ADAMTSL3: variants seen among roughly 807,000 people sequenced by gnomAD.
ADAMTSL3 encodes ADAMTS-like protein 3.
A neutral mutation model predicts 201.7 loss-of-function variants in ADAMTSL3; 128 were observed. The ratio of observed to expected loss-of-function variants is 0.63; its 90% CI spans 0.55 to 0.73. The LOEUF is 0.73. Among genes scored for constraint, ADAMTSL3 ranks in the 30% least tolerant of loss-of-function variants. ADAMTSL3 has a pLI of 0.00. For missense variants in ADAMTSL3, 1,990 were observed against 2,119.6 expected (o/e 0.94, Z 1.20); for synonymous variants, 738 against 748.4 (o/e 0.99, Z 0.23).
intron 13 of ADAMTSL3, among the ~76,000 whole-genome samples, chr15:83,895,910 A>C (rs2065604379): frequency 1.3e-5 from 2 of 152,180 alleles, no homozygotes; most frequent in Admixed American, 1.3e-4. Context: ...TGAACTAGAG[A>C]GATTTCCCAA....
chr15:83,975,705 G>A (rs1440712134), intron 20 of ADAMTSL3, among the ~76,000 whole-genome samples: 2 of 152,180 alleles, frequency 1.3e-5, no homozygotes, highest in African/African-American at 2.4e-5. Context: ...AGATACAGAA[G>A]AATGTGAGGA....
intron 23 of ADAMTSL3, among the ~76,000 whole-genome samples, chr15:84,013,274 T>C (rs1005123074): frequency 4.6e-5 from 7 of 152,150 alleles, no homozygotes; most frequent in Admixed American, 2.0e-4. Flanking sequence ...TCCCAGGAAA[T>C]AGGAATAACT....
intron 15 of ADAMTSL3, among the ~76,000 whole-genome samples, chr15:83,903,920 A>AGGAAGGAAGGAAGGG (rs1329970127): frequency 5.1e-5 from 3 of 58,788 alleles, no homozygotes; most frequent in Non-Finnish European, 6.0e-5. Context: ...TCCACATCAA[A>AGGAAGGAAGGAAGGG]AAAAAAAAAA....
intron 7 of ADAMTSL3, among the ~76,000 whole-genome samples, chr15:83,849,445 A>G (rs923772363): frequency 5.9e-5 from 9 of 152,324 alleles, no homozygotes; most frequent in Admixed American, 3.3e-4. Context: ...TGTGTTTTCA[A>G]TAATTGGCTT....
At chr15:83,695,226 T>C (rs1216015602) in intron 2 of ADAMTSL3, among the ~76,000 whole-genome samples, 3 of 128 alleles carry the variant, frequency 0.023, 1 homozygote, top group African/African-American at 0.11. Flanking sequence ...TGTGTGTGTG[T>C]AATGTGTGTG....
intron 23 of ADAMTSL3, among the ~76,000 whole-genome samples, chr15:84,004,253 C>A (rs2067851705): frequency 6.6e-6 from 1 of 152,300 alleles, no homozygotes; most frequent in African/African-American, 2.4e-5. Flanking sequence ...CTGGACACCA[C>A]AACATCTCCC....
intron 28 of ADAMTSL3, among the ~76,000 whole-genome samples, chr15:84,034,722 G>T (rs924982489): frequency 6.6e-6 from 1 of 152,136 alleles, no homozygotes; most frequent in Admixed American, 6.5e-5. Flanking sequence ...TGCCTGCTTC[G>T]AATAACCAGG....
intron 15 of ADAMTSL3, among the ~76,000 whole-genome samples, chr15:83,909,844 G>C (rs376177441): frequency 6.6e-6 from 1 of 152,076 alleles, no homozygotes; most frequent in South Asian, 2.1e-4. Context: ...TTGAACTCCT[G>C]ACCTCAGGTT....
intron 2 of ADAMTSL3, among the ~76,000 whole-genome samples, chr15:83,666,622 G>A (rs1224226383): frequency 6.6e-6 from 1 of 152,104 alleles, no homozygotes. Flanking sequence ...AGGGTTGCTT[G>A]ACTGCAGGAG....
chr15:83,935,004 A>G (rs559467824), intron 17 of ADAMTSL3, among the ~76,000 whole-genome samples: 28 of 152,302 alleles, frequency 1.8e-4, no homozygotes, highest in African/African-American at 5.8e-4. Context: ...ATGTGAACCC[A>G]TGAACATAGA....
intron 19 of ADAMTSL3, among the ~76,000 whole-genome samples, chr15:83,969,568 C>T (rs1393144847): frequency 1.3e-5 from 2 of 152,150 alleles, no homozygotes; most frequent in Non-Finnish European, 2.9e-5. Flanking sequence ...GAAACTCTGC[C>T]ATTTGTTGCA....
intron 6 of ADAMTSL3, among the ~76,000 whole-genome samples, chr15:83,835,701 A>G (rs912165094): frequency 1.5e-4 from 23 of 152,244 alleles, no homozygotes; most frequent in Non-Finnish European, 2.2e-4. Context: ...CATGAACACA[A>G]GTTACTCATT....
At chr15:83,686,871 G>A (rs1445816470) in intron 2 of ADAMTSL3, among the ~76,000 whole-genome samples, 1 of 152,114 alleles carries the variant, frequency 6.6e-6, no homozygotes, top group Non-Finnish European at 1.5e-5. Flanking sequence ...ATATATAACT[G>A]TACATTTTCT....
chr15:83,930,121 C>T (rs2066330493), intron 17 of ADAMTSL3, among the ~76,000 whole-genome samples: 1 of 152,134 alleles, frequency 6.6e-6, no homozygotes, highest in Non-Finnish European at 1.5e-5. Flanking sequence ...CCACGTCTCT[C>T]AAGGAATTTC....
rs566350784 is a variant in ADAMTSL3, at chr15:83,662,781, C to A, written c.69+6951C>A. The stretch of plus-strand genomic sequence containing the variant: ...GGCACTGGTTCTGAGATACTTCTTC[C>A]TTTTATTTCTTCTGGATCTAGCTTT... On this transcript the variant is annotated intron_variant, in intron 2 of 29. Coordinates refer to ENST00000286744, the MANE Select transcript of ADAMTSL3 (RefSeq NM_207517.3). Among the ~76,000 whole-genome samples, 34 of 152,176 alleles carry A rather than the reference C, an allele frequency of 2.2e-4. No homozygotes were observed. The Middle Eastern group carries it at 0.014, about 61-fold the overall frequency.
chr15:83,782,836 C>T (rs1201521758), intron 4 of ADAMTSL3, among the ~76,000 whole-genome samples: 3 of 151,220 alleles, frequency 2.0e-5, no homozygotes, highest in Admixed American at 6.6e-5. Flanking sequence ...AAAAGTTTAC[C>T]TATATAACAA....
rs1333016351 is a variant in ADAMTSL3, at chr15:83,913,225, C to G, written c.1834C>G (p.Pro612Ala). Residue 612 changes from proline (P) to alanine (A), a missense_variant, in exon 16 of 30, where the codon CCC becomes GCC. Coordinates refer to ENST00000286744, the MANE Select transcript of ADAMTSL3 (RefSeq NM_207517.3). The stretch of plus-strand genomic sequence containing the variant: ...GCTGCCCGAGGAAGAGTGTGAAGGC[C>G]CCAAGCTGCCCACCGAACGGCCCTG... The part of the protein sequence containing the change: ...TELPEEECEG[P>A]KLPTERPCLL... 6.2e-7 allele frequency: 1 copy of G among 1,613,972 alleles called. No homozygotes were observed. The highest frequency in any genetic ancestry group is 1.7e-5 in the Admixed American group (1 of 60,004).
At chr15:83,918,283 T>G (rs1489142460) in intron 16 of ADAMTSL3, among the ~76,000 whole-genome samples, 2 of 152,240 alleles carry the variant, frequency 1.3e-5, no homozygotes, top group Admixed American at 1.3e-4. Flanking sequence ...TATTGTATGT[T>G]TCTATGTGCC....
At chr15:84,037,047 A>G (rs1182521551) in intron 29 of ADAMTSL3, 60 bp downstream of exon 29, 3 of 1,538,774 alleles carry the variant, frequency 1.9e-6, no homozygotes, top group Non-Finnish European at 2.7e-6. Context: ...TCAGATCCTG[A>G]TGCTACCATC....
Sources: allele counts gnomAD v4.1 joint callset (sites outside exome capture counted in the v4.1 genomes callset), GRCh38; gene constraint gnomAD v4.1.1; transcripts MANE v1.5; gene names NCBI Gene and HGNC (gene_info 2026-07-23, HGNC 2026-07-21).